EIF3M: variants seen among roughly 807,000 people sequenced by gnomAD.
EIF3M encodes the protein B5 receptor.
Under a neutral mutation model 49.7 loss-of-function variants are expected in EIF3M, and 25 were observed. The observed-to-expected ratio is 0.50, with a 90% CI of 0.37 to 0.70. The LOEUF (loss-of-function observed/expected upper bound fraction) is 0.70. EIF3M is among the 30% of genes least tolerant of loss of function. The pLI, the probability that EIF3M is intolerant of heterozygous loss-of-function variation, is 0.00. For missense variants in EIF3M, 350 were observed against 440.0 expected (o/e 0.80, Z 1.83); for synonymous variants, 156 against 149.8 (o/e 1.04, Z -0.30).
At chr11:32,600,983 G>T in intron 9 of EIF3M, 151 bp downstream of exon 9, 1 of 1,002,050 alleles carries the variant, frequency 1.0e-6, no homozygotes, top group Non-Finnish European at 1.4e-6. Flanking sequence ...TATATTTGTT[G>T]TAGGGTGAAA....
Position 32,603,085 on chromosome 11 carries a change from A to G in EIF3M, c.*686A>G. 7.5e-7 allele frequency: 1 copy of G among 1,324,542 alleles called. No homozygotes were observed. The highest frequency in any genetic ancestry group is 1.4e-5 in the South Asian group (1 of 72,520). 82.0% of individuals were successfully genotyped at this position (1,324,542 alleles called of 1,614,324 possible). A position where few individuals can be genotyped will look rare whatever the true frequency, so the allele number is the denominator to read the frequency against. On this transcript the variant is annotated 3_prime_UTR_variant, in exon 11 of 11. Transcript: ENST00000531120. ...ACAAAAGATTTTAAAGAGTCTGTAA[A>G]GCCTCTGCAGTTATGAGTATGTGGT...
At chr11:32,594,300 A>T (rs1232940130) in intron 6 of EIF3M, 1 of 184,636 alleles carries the variant, frequency 5.4e-6, no homozygotes, top group South Asian at 1.9e-4. Flanking sequence ...ACCCATTGCT[A>T]ATGAGTATAA....
intron 9 of EIF3M, 127 bp downstream of exon 9, chr11:32,600,959 A>C: frequency 8.4e-7 from 1 of 1,196,862 alleles, no homozygotes; most frequent in Non-Finnish European, 1.1e-6. Context: ...ATGTGTATTT[A>C]GTAGATTAGT....
chr11:32,589,727 A>G, intron 5 of EIF3M, 86 bp downstream of exon 5: 1 of 1,210,870 alleles, frequency 8.3e-7, no homozygotes. Flanking sequence ...AGGGCCAGTA[A>G]TTTTGCTTTA....
rs199616525 is a variant in EIF3M, at chr11:32,589,584, A to G, written c.476A>G (p.Glu159Gly). ...ATTTCTGACTGGAATCTCACCACTGAAAAAAAGCACACCCTTTTAAGACTA... is the reference window on the plus strand; with the variant it reads ...ATTTCTGACTGGAATCTCACCACTGGAAAAAAGCACACCCTTTTAAGACTA... ...KWISDWNLTT[E>G]KKHTLLRLLY... Residue 159 changes from glutamate (E) to glycine (G), a missense_variant, in exon 5 of 11, where the codon GAA becomes GGA. Physicochemically the swap from Glu to Gly is moderately conservative, Grantham distance 98. Transcript: ENST00000531120. The G allele has an allele frequency of 7.4e-6, 12 of 1,613,926 alleles. No individual in the cohort carries two copies. Among genetic ancestry groups the G allele is most frequent in the South Asian group, 2.2e-5 (2 of 91,082 alleles).
intron 8 of EIF3M, among the ~76,000 whole-genome samples, chr11:32,598,845 A>G (rs117178317): frequency 0.03 from 4,550 of 152,132 alleles, 88 homozygotes; most frequent in Non-Finnish European, 0.04. Context: ...GGAATTTTTG[A>G]AAAAAATCTT....
At chr11:32,587,598 G>A (rs1362694076) in intron 2 of EIF3M, among the ~76,000 whole-genome samples, 1 of 151,988 alleles carries the variant, frequency 6.6e-6, no homozygotes, top group East Asian at 1.9e-4. Context: ...TTATACATAG[G>A]TGTATTTCTT....
At chr11:32,591,527 A>G (rs2133197252) in intron 5 of EIF3M, among the ~76,000 whole-genome samples, 1 of 152,358 alleles carries the variant, frequency 6.6e-6, no homozygotes, top group Non-Finnish European at 1.5e-5. Flanking sequence ...AAAAGACCTC[A>G]GGAATGTACA....
intron 6 of EIF3M, 114 bp from the exon 7 acceptor site, chr11:32,594,800 T>C (rs974146163): frequency 6.4e-6 from 5 of 782,700 alleles, no homozygotes. Flanking sequence ...GTTGTTTATA[T>C]GTTTTGGACT....
Position 32,587,011 on chromosome 11 carries a change from G to T in EIF3M, c.43-1G>T. ...TTTTATAATAGAGCAATCCTCAACA[G>T]GCTGCTGAGCTTCGTGCTTATCTGA... On this transcript the variant is annotated splice_acceptor_variant, in intron 1 of 10. Coordinates refer to ENST00000531120, the MANE Select transcript of EIF3M (RefSeq NM_006360.6). LOFTEE classifies it high-confidence loss of function. The T allele has an allele frequency of 6.2e-7, 1 of 1,605,814 alleles. No homozygotes were observed. The highest frequency in any genetic ancestry group is 2.2e-5 in the East Asian group (1 of 44,762).
chr11:32,600,489 T>C (rs1486487977), intron 8 of EIF3M, among the ~76,000 whole-genome samples, 200 bp from the exon 9 acceptor site: 2 of 151,902 alleles, frequency 1.3e-5, no homozygotes, highest in African/African-American at 4.8e-5. Context: ...TATAGAAAAA[T>C]TGTTTTTAAT....
At chr11:32,591,450 C>T (rs539189238) in intron 5 of EIF3M, among the ~76,000 whole-genome samples, 1 of 152,240 alleles carries the variant, frequency 6.6e-6, no homozygotes, top group Non-Finnish European at 1.5e-5. Flanking sequence ...GGTACCACTA[C>T]ACTACCATAA....
Position 32,603,751 on chromosome 11 carries a change from G to C in EIF3M, c.*1352G>C, listed in dbSNP as rs966405489. The C allele has an allele frequency of 1.3e-5, 2 of 152,134 alleles. No individual in the cohort carries two copies. The highest frequency in any genetic ancestry group is 2.9e-5 in the Non-Finnish European group (2 of 68,042). 9.4% of individuals were successfully genotyped at this position (152,134 alleles called of 1,614,324 possible). On this transcript the variant is annotated 3_prime_UTR_variant, in exon 11 of 11. Coordinates refer to ENST00000531120, the MANE Select transcript of EIF3M (RefSeq NM_006360.6). ...ATGCAAAACAATCTTTGATGTTTTT[G>C]AGAGATTCCCAGATAAAATTTTCTC...
At position 32,602,708 on chromosome 11, in the gene EIF3M, AAGAC is replaced by A; in HGVS notation, c.*311_*314del. 1 of 997,302 alleles carries A rather than the reference AAGAC, an allele frequency of 1.0e-6. No homozygotes were observed. Among genetic ancestry groups the A allele is most frequent in the Non-Finnish European group, 1.4e-6 (1 of 693,636 alleles). 61.8% of individuals were successfully genotyped at this position (997,302 alleles called of 1,614,324 possible). On this transcript the variant is annotated 3_prime_UTR_variant, in exon 11 of 11. Coordinates refer to ENST00000531120, the MANE Select transcript of EIF3M (RefSeq NM_006360.6). ...CACATTAGAAAAACTTGGAAAAGCAAAGACAAACTGTAGAGCTTTAAATACAACA... is the reference window on the plus strand; with the variant it reads ...CACATTAGAAAAACTTGGAAAAGCAAAAACTGTAGAGCTTTAAATACAACA...
intron 10 of EIF3M, 89 bp downstream of exon 10, chr11:32,601,911 G>A (rs1045545534): frequency 7.4e-7 from 1 of 1,354,734 alleles, no homozygotes; most frequent in Admixed American, 1.9e-5. Flanking sequence ...CCAAGGTGGT[G>A]TTATCACTTG....
At position 32,605,071 on chromosome 11, in the gene EIF3M, C is replaced by G. The variant is rs1565053590; in HGVS notation, c.*2672C>G. 1 of 151,252 alleles carries G rather than the reference C, an allele frequency of 6.6e-6. No individual in the cohort carries two copies. The highest frequency in any genetic ancestry group is 1.5e-5 in the Non-Finnish European group (1 of 68,036). The allele number at this position is 151,252 out of a possible 1,614,324, so 9.4% of individuals were successfully genotyped here. On this transcript the variant is annotated 3_prime_UTR_variant, in exon 11 of 11. Coordinates refer to ENST00000531120, the MANE Select transcript of EIF3M (RefSeq NM_006360.6). ...GTTTCACTATGTTGTCCAGGCTGGT[C>G]TCGAACGCCTGACCTCATGATCCAC...
At chr11:32,586,532 T>C (rs1434512922) in intron 1 of EIF3M, among the ~76,000 whole-genome samples, 2 of 152,260 alleles carry the variant, frequency 1.3e-5, no homozygotes, top group Non-Finnish European at 2.9e-5. Context: ...GCTTCTCAAC[T>C]GATTAACAAA....
chr11:32,592,611 G>T (rs560184752), intron 5 of EIF3M: 18 of 528,060 alleles, frequency 3.4e-5, no homozygotes, highest in Admixed American at 1.6e-4. Flanking sequence ...ACCAGAGTTT[G>T]TGGAACATTT....
At chr11:32,592,941 C>A (rs998079287) in intron 5 of EIF3M, among the ~76,000 whole-genome samples, 1 of 152,206 alleles carries the variant, frequency 6.6e-6, no homozygotes, top group African/African-American at 2.4e-5. Context: ...TATTGGCATG[C>A]GCCACTGTGC....
Sources: gnomAD v4.1 joint callset for allele counts (sites outside exome capture counted in the v4.1 genomes callset) on GRCh38, gnomAD v4.1.1 for gene constraint, MANE v1.5 for transcripts, NCBI Gene and HGNC (gene_info 2026-07-23, HGNC 2026-07-21) for gene names.